Variants in ZNF215 observed in about 807,000 individuals in gnomAD.
ZNF215 encodes the protein zinc finger protein 215, also known as BWSCR2-associated zinc finger protein 2.
In ZNF215, 24 loss-of-function variants were observed where a neutral mutation model predicts 27.2. The ratio of observed to expected loss-of-function variants is 0.88; its 90% CI spans 0.64 to 1.24. The LOEUF is 1.24. Among genes scored for constraint, ZNF215 ranks in the 50% most tolerant of loss-of-function variants. The pLI is 0.00. For missense variants in ZNF215, 675 were observed against 605.7 expected (o/e 1.11, Z -1.20); for synonymous variants, 210 against 204.0 (o/e 1.03, Z -0.25).
At chr11:6,927,182 TTTAA>T (rs1262913876) in intron 1 of ZNF215, among the ~76,000 whole-genome samples, 1 of 152,184 alleles carries the variant, frequency 6.6e-6, no homozygotes, top group East Asian at 1.9e-4. Flanking sequence ...ACAATGGAGT[TTTAA>T]TTAATTCATA....
chr11:6,974,407 A>T (rs1266189103), intron 5 of ZNF215, among the ~76,000 whole-genome samples: 1 of 152,176 alleles, frequency 6.6e-6, no homozygotes, highest in Non-Finnish European at 1.5e-5. Context: ...TGAACTTTAA[A>T]GTAGTTTTTT....
At chr11:6,993,368 C>A (rs562104105), downstream of ZNF215, among the ~76,000 whole-genome samples, 4 of 152,288 alleles carry the variant, frequency 2.6e-5, no homozygotes, top group African/African-American at 9.6e-5. Context: ...ATTTTAGCCT[C>A]TGATCCTCAG....
intron 6 of ZNF215, among the ~76,000 whole-genome samples, chr11:6,954,015 G>T (rs1437784638): frequency 2.0e-5 from 3 of 152,212 alleles, no homozygotes; most frequent in African/African-American, 4.8e-5. Context: ...GACCCTGTTT[G>T]CCTGGGTACC....
intron 3 of ZNF215, among the ~76,000 whole-genome samples, chr11:6,935,648 A>G (rs980937724): frequency 1.3e-5 from 2 of 152,166 alleles, no homozygotes; most frequent in Admixed American, 6.5e-5. Context: ...ATTAACAGAA[A>G]TACTAGAAAA....
intron 5 of ZNF215, among the ~76,000 whole-genome samples, chr11:6,973,723 C>A (rs537601011): frequency 3.9e-5 from 6 of 152,244 alleles, no homozygotes; most frequent in African/African-American, 1.4e-4. Context: ...TCATATCCTT[C>A]ACCCACTTGT....
intron 5 of ZNF215, among the ~76,000 whole-genome samples, chr11:6,973,186 G>A (rs549632372): frequency 1.2e-3 from 181 of 152,200 alleles, no homozygotes; most frequent in African/African-American, 3.5e-3. Flanking sequence ...TCAGAATGAT[G>A]GTTTCCAGCT....
chr11:6,959,842 C>A (rs755185297), downstream of ZNF215, among the ~76,000 whole-genome samples: 2 of 152,098 alleles, frequency 1.3e-5, no homozygotes, highest in African/African-American at 2.4e-5. Flanking sequence ...TGATACTAGT[C>A]TATTCACATG....
chr11:6,976,942 T>C (rs185181031), intron 5 of ZNF215, among the ~76,000 whole-genome samples: 44 of 152,186 alleles, frequency 2.9e-4, no homozygotes, highest in African/African-American at 1.0e-3. Flanking sequence ...GGCAGCATCG[T>C]GCTGTCTCTA....
chr11:6,929,449 T>C (rs1330448613), intron 2 of ZNF215, among the ~76,000 whole-genome samples: 1 of 152,226 alleles, frequency 6.6e-6, no homozygotes, highest in African/African-American at 2.4e-5. Flanking sequence ...ATCCATCCAG[T>C]ATACCACATT....
chr11:6,981,924 T>A (rs530493634), intron 5 of ZNF215, among the ~76,000 whole-genome samples: 1 of 152,172 alleles, frequency 6.6e-6, no homozygotes, highest in African/African-American at 2.4e-5. Flanking sequence ...GTTGTAGATA[T>A]GCGGCATTAT....
chr11:6,967,245 A>G (rs547452553), intron 5 of ZNF215, among the ~76,000 whole-genome samples: 3 of 152,228 alleles, frequency 2.0e-5, no homozygotes, highest in East Asian at 1.9e-4. Context: ...AGTCTTTGCT[A>G]TTGTGAATAG....
At chr11:6,943,400 A>G in intron 5 of ZNF215, 146 bp from the exon 6 acceptor site, 1 of 1,089,082 alleles carries the variant, frequency 9.2e-7, no homozygotes, top group South Asian at 1.6e-5. Context: ...ATTGAGCCAG[A>G]GATACACAAG....
chr11:6,984,231 CT>C lies in ZNF215; in HGVS notation c.909del (p.Glu304SerfsTer5). On this transcript the variant is annotated frameshift_variant, in exon 6 of 6. Transcript: ENST00000529903. LOFTEE classifies it high-confidence loss of function. ...CAAGTGATTCTCCTGCCTCAGCCTC[CT>C]GAGTAGCTGGGATTAGAGGCACCCA... 1 of 282,604 alleles carries C rather than the reference CT, an allele frequency of 3.5e-6. No homozygotes were observed. Among genetic ancestry groups the C allele is most frequent in the Non-Finnish European group, 6.9e-6 (1 of 145,028 alleles). 17.5% of individuals were successfully genotyped at this position (282,604 alleles called of 1,614,324 possible).
downstream of ZNF215, among the ~76,000 whole-genome samples, chr11:6,993,350 C>G (rs893300987): frequency 4.6e-5 from 7 of 152,142 alleles, no homozygotes; most frequent in Admixed American, 2.6e-4. Flanking sequence ...AACACTATTT[C>G]CTACTTCATT....
chr11:6,941,925 C>T (rs1241859066), intron 4 of ZNF215, among the ~76,000 whole-genome samples: 2 of 152,090 alleles, frequency 1.3e-5, no homozygotes, highest in Non-Finnish European at 2.9e-5. Flanking sequence ...AGAATTAAGC[C>T]TCAAGAGTAG....
At chr11:6,967,134 A>G (rs1406986051) in intron 5 of ZNF215, among the ~76,000 whole-genome samples, 1 of 152,224 alleles carries the variant, frequency 6.6e-6, no homozygotes, top group East Asian at 1.9e-4. Context: ...TGCAAAGGAC[A>G]TAAACTCATC....
chr11:6,970,751 G>A (rs1302925988), intron 5 of ZNF215, among the ~76,000 whole-genome samples: 2 of 152,118 alleles, frequency 1.3e-5, no homozygotes, highest in Admixed American at 1.3e-4. Flanking sequence ...TATCTCACCT[G>A]TGTCAGTGTG....
intron 6 of ZNF215, among the ~76,000 whole-genome samples, chr11:6,944,047 G>A (rs572145052): frequency 3.3e-5 from 5 of 152,254 alleles, no homozygotes; most frequent in South Asian, 2.1e-4. Flanking sequence ...AGGCGGAGGC[G>A]GGCGGATCAC....
chr11:6,981,776 A>G (rs1039065403), intron 5 of ZNF215, among the ~76,000 whole-genome samples: 1 of 152,010 alleles, frequency 6.6e-6, no homozygotes, highest in South Asian at 2.1e-4. Flanking sequence ...ATCTTGAATT[A>G]ATTTTTGTAT....
Sources: gnomAD v4.1 joint callset for allele counts (sites outside exome capture counted in the v4.1 genomes callset) on GRCh38, gnomAD v4.1.1 for gene constraint, MANE v1.5 for transcripts, NCBI Gene and HGNC (gene_info 2026-07-23, HGNC 2026-07-21) for gene names.